The following ADAM9 variants were observed in gnomAD, a reference collection of about 807,000 sequenced individuals.
The protein encoded by ADAM9 is disintegrin and metalloproteinase domain-containing protein 9.
Under a neutral mutation model 108.1 loss-of-function variants are expected in ADAM9, and 54 were observed. The observed-to-expected ratio is 0.50, with a 90% confidence interval of 0.40 to 0.63. The LOEUF is 0.63. ADAM9 is among the 20% of genes least tolerant of loss of function. The pLI is 0.00. For missense variants in ADAM9, 830 were observed against 997.7 expected (o/e 0.83, Z 2.26); for synonymous variants, 316 against 336.0 (o/e 0.94, Z 0.65).
chr8:39,010,880 G>A (rs989234681), intron 2 of ADAM9, among the ~76,000 whole-genome samples: 1 of 152,032 alleles, frequency 6.6e-6, no homozygotes, highest in Non-Finnish European at 1.5e-5. Context: ...ATCACCTCAG[G>A]TCAGGAGTTC....
chr8:39,029,629 C>T (rs1421884311), intron 11 of ADAM9, among the ~76,000 whole-genome samples: 1 of 152,056 alleles, frequency 6.6e-6, no homozygotes, highest in Non-Finnish European at 1.5e-5. Flanking sequence ...CTTTTTGGCA[C>T]CTGTTGAGAT....
At chr8:39,021,253 G>T (rs1457199021) in intron 7 of ADAM9, among the ~76,000 whole-genome samples, 2 of 152,048 alleles carry the variant, frequency 1.3e-5, no homozygotes, top group African/African-American at 4.8e-5. Context: ...GAAATATTTG[G>T]ATTCTTCATA....
intron 11 of ADAM9, among the ~76,000 whole-genome samples, chr8:39,028,364 A>G (rs897131831): frequency 1.3e-5 from 2 of 149,774 alleles, no homozygotes; most frequent in African/African-American, 5.1e-5. Flanking sequence ...GCCATGCTTC[A>G]TAAAAAAAAA....
intron 12 of ADAM9, among the ~76,000 whole-genome samples, chr8:39,045,358 ATATAGGTGTGTGTACATACACC>A (rs1375428684): frequency 0.098 from 9,114 of 92,576 alleles, 798 homozygotes; most frequent in South Asian, 0.15. Context: ...GTGTACATAC[ATATAGGTGTGTGTACATACACC>A]TATAGGTGTG....
intron 11 of ADAM9, among the ~76,000 whole-genome samples, chr8:39,040,296 G>A (rs1837420118): frequency 1.3e-5 from 2 of 152,072 alleles, no homozygotes; most frequent in South Asian, 4.1e-4. Context: ...CGATCCGCCC[G>A]CCTCAGCCTC....
rs775040911 is a variant in ADAM9, at chr8:39,054,472, T to A, written c.1303-9T>A. On this transcript the variant is annotated splice_polypyrimidine_tract_variant and intron_variant, in intron 12 of 21. Transcript: ENST00000487273. ...AATTTCTTTATTGACAGTCATTTTA[T>A]GTTCACAGGAATGTGAATTGGACCC... 1 of 1,608,620 alleles carries A rather than the reference T, an allele frequency of 6.2e-7. No homozygotes were observed. Among genetic ancestry groups the A allele is most frequent in the East Asian group, 2.2e-5 (1 of 44,766 alleles).
chr8:39,045,558 A>G (rs1015140579), intron 12 of ADAM9, among the ~76,000 whole-genome samples: 10 of 75,872 alleles, frequency 1.3e-4, no homozygotes, highest in African/African-American at 5.0e-4. Flanking sequence ...GTGTGTGTAT[A>G]TGTGTGTGTG....
At chr8:39,101,490 A>C (rs976586431) in intron 20 of ADAM9, among the ~76,000 whole-genome samples, 1 of 152,268 alleles carries the variant, frequency 6.6e-6, no homozygotes, top group Non-Finnish European at 1.5e-5. Context: ...GATTGTCCAC[A>C]TGAGGGGCTG....
intron 12 of ADAM9, 76 bp from the exon 13 acceptor site, chr8:39,054,404 TG>T (rs1250579263): frequency 8.0e-7 from 1 of 1,255,648 alleles, no homozygotes; most frequent in Non-Finnish European, 1.2e-6. Flanking sequence ...AGATTTTAGG[TG>T]TAAGATGAGA....
chr8:39,017,569 A>G (rs1379774046), intron 6 of ADAM9, among the ~76,000 whole-genome samples, 155 bp downstream of exon 6: 2 of 152,134 alleles, frequency 1.3e-5, no homozygotes, highest in Non-Finnish European at 2.9e-5. Flanking sequence ...AGGGGATGAA[A>G]AGATGAGCGA....
intron 15 of ADAM9, among the ~76,000 whole-genome samples, chr8:39,075,704 A>G (rs1439723543): frequency 6.6e-6 from 1 of 152,244 alleles, no homozygotes; most frequent in Non-Finnish European, 1.5e-5. Context: ...AAGCCTATGT[A>G]TGAAATACTG....
rs539702012 is a variant in ADAM9 at position 39,045,049 on chromosome 8, T to C, written c.1302+2932T>C. ...GTGTGCATACATACATATGTATGTG[T>C]ATGTGTGTGTGCATACATACATATG... is the stretch of plus-strand genomic sequence containing the variant. On this transcript the variant is annotated intron_variant, in intron 12 of 21. Coordinates refer to ENST00000487273, the MANE Select transcript of ADAM9 (RefSeq NM_003816.3). 3.8e-4 allele frequency among the ~76,000 whole-genome samples: 19 copies of C among 49,646 alleles called. 3 individuals carry two copies. Among genetic ancestry groups the C allele is most frequent in the Admixed American group, 2.3e-3 (9 of 3,882 alleles). 32.6% of individuals were successfully genotyped at this position (49,646 alleles called of 152,430 possible). A position where few individuals can be genotyped will look rare whatever the true frequency, so the allele number is the denominator to read the frequency against.
chr8:39,053,593 C>T (rs371157783), intron 12 of ADAM9, among the ~76,000 whole-genome samples: 3 of 151,928 alleles, frequency 2.0e-5, no homozygotes, highest in East Asian at 3.9e-4. Context: ...TACTTTTCAC[C>T]CAGTTTTCCT....
chr8:38,997,298 G>A lies in ADAM9; in HGVS notation c.97+138G>A, dbSNP rs1211110288. On this transcript the variant is annotated intron_variant, in intron 1 of 21. Coordinates refer to ENST00000487273, the MANE Select transcript of ADAM9 (RefSeq NM_003816.3). ...GGGTCGGGGGGCGCGGCCGCTCCAGGTGTGTGCGGACCGGGGTCGCACCCG... is the reference window on the plus strand; with the variant it reads ...GGGTCGGGGGGCGCGGCCGCTCCAGATGTGTGCGGACCGGGGTCGCACCCG... 6.9e-6 allele frequency: 7 copies of A among 1,019,448 alleles called. No individual in the cohort carries two copies. The South Asian group carries it at 7.4e-5, about 11-fold the overall frequency. The allele number at this position is 1,019,448 out of a possible 1,614,324, so 63.2% of individuals were successfully genotyped here. A position where few individuals can be genotyped will look rare whatever the true frequency, so the allele number is the denominator to read the frequency against.
At chr8:39,060,414 T>A (rs1838262324) in intron 14 of ADAM9, among the ~76,000 whole-genome samples, 3 of 152,148 alleles carry the variant, frequency 2.0e-5, no homozygotes, top group African/African-American at 7.2e-5. Flanking sequence ...AACTAGCAGC[T>A]CTTTGGGTCA....
intron 14 of ADAM9, among the ~76,000 whole-genome samples, chr8:39,065,885 A>G (rs1421684522): frequency 6.6e-6 from 1 of 152,078 alleles, no homozygotes; most frequent in Non-Finnish European, 1.5e-5. Context: ...GTATATCCTA[A>G]TGCTATCCCT....
chr8:39,103,332 T>C (rs1726132521), intron 21 of ADAM9, among the ~76,000 whole-genome samples: 2 of 152,056 alleles, frequency 1.3e-5, no homozygotes, highest in South Asian at 4.1e-4. Context: ...TACCATTTCA[T>C]GTGCTTTTTT....
chr8:38,999,884 T>C (rs1835942453), intron 1 of ADAM9, among the ~76,000 whole-genome samples: 3 of 152,234 alleles, frequency 2.0e-5, no homozygotes, highest in South Asian at 2.1e-4. Flanking sequence ...CTCAAACATA[T>C]GACATAGCCT....
At chr8:39,036,814 T>C (rs1837290913) in intron 11 of ADAM9, among the ~76,000 whole-genome samples, 1 of 152,056 alleles carries the variant, frequency 6.6e-6, no homozygotes, top group African/African-American at 2.4e-5. Context: ...GCACCACAAG[T>C]GTCTATGATT....
Sources: allele counts gnomAD v4.1 joint callset (sites outside exome capture counted in the v4.1 genomes callset), GRCh38; gene constraint gnomAD v4.1.1; transcripts MANE v1.5; gene names NCBI Gene and HGNC (gene_info 2026-07-23, HGNC 2026-07-21).